Variants in DLGAP2 observed in about 807,000 individuals in gnomAD.
The protein encoded by DLGAP2 is DLG associated protein 2, also known as disks large-associated protein 2.
In DLGAP2, 26 loss-of-function variants were observed where a neutral mutation model predicts 100.3. The observed-to-expected ratio is 0.26, with a 90% CI of 0.19 to 0.36. The LOEUF (loss-of-function observed/expected upper bound fraction) is 0.36. DLGAP2 is among the 10% of genes least tolerant of loss of function. The probability of loss-of-function intolerance (pLI) is 1.00; values close to 1 mark genes in which losing one functional copy is unlikely to be tolerated. For synonymous variants in DLGAP2, 886 were observed against 630.1 expected (o/e 1.41, Z -6.08); for missense variants, 1,858 against 1,453.2 (o/e 1.28, Z -4.53).
At chr8:997,780 C>T (rs1011584990) in intron 2 of DLGAP2, among the ~76,000 whole-genome samples, 1 of 152,174 alleles carries the variant, frequency 6.6e-6, no homozygotes, top group Admixed American at 6.5e-5. Flanking sequence ...TGCATTTTCT[C>T]CTCTACCACA....
intron 1 of DLGAP2, among the ~76,000 whole-genome samples, chr8:811,012 G>A (rs1003375286): frequency 8.5e-5 from 13 of 152,326 alleles, no homozygotes; most frequent in African/African-American, 2.6e-4. Flanking sequence ...GATGGCCACC[G>A]TGTAGAAGGC....
chr8:1,685,176 C>T (rs1261549410), intron 12 of DLGAP2, among the ~76,000 whole-genome samples: 1 of 151,248 alleles, frequency 6.6e-6, no homozygotes, highest in Non-Finnish European at 1.5e-5. Context: ...GCAGTTGGCA[C>T]TCACACAGCG....
At chr8:1,350,515 G>A (rs1801691866) in intron 3 of DLGAP2, among the ~76,000 whole-genome samples, 1 of 96,300 alleles carries the variant, frequency 1.0e-5, no homozygotes, top group Non-Finnish European at 2.0e-5. Context: ...TGGAAAGGCC[G>A]TGCGGGTCCT....
chr8:1,666,611 C>A (rs1390391517), intron 8 of DLGAP2, among the ~76,000 whole-genome samples: 3 of 151,454 alleles, frequency 2.0e-5, no homozygotes, highest in African/African-American at 7.3e-5. Flanking sequence ...ACACAGGAGG[C>A]AGAGGCTGCA....
intron 2 of DLGAP2, among the ~76,000 whole-genome samples, chr8:950,883 C>T (rs1254403575): frequency 6.6e-6 from 1 of 152,086 alleles, no homozygotes; most frequent in Non-Finnish European, 1.5e-5. Flanking sequence ...CTCAACTTCC[C>T]AAAGCGCTGG....
chr8:1,686,169 C>T (rs1010732972), intron 12 of DLGAP2, among the ~76,000 whole-genome samples: 1 of 152,036 alleles, frequency 6.6e-6, no homozygotes, highest in African/African-American at 2.4e-5. Context: ...TGGAAGAGAC[C>T]TAGGTTCCCA....
intron 2 of DLGAP2, among the ~76,000 whole-genome samples, chr8:1,242,086 G>A (rs922753494): frequency 1.3e-5 from 2 of 152,110 alleles, no homozygotes; most frequent in Non-Finnish European, 2.9e-5. Context: ...TAATTTGTTT[G>A]TAGATAAACC....
At chr8:1,578,364 C>A (rs147260496) in intron 6 of DLGAP2, among the ~76,000 whole-genome samples, 184 of 152,252 alleles carry the variant, frequency 1.2e-3, no homozygotes, top group Middle Eastern at 6.8e-3. Flanking sequence ...GTTCTTACCC[C>A]GGAAGTTATC....
At chr8:1,619,452 T>C (rs1797259008) in intron 6 of DLGAP2, among the ~76,000 whole-genome samples, 1 of 152,262 alleles carries the variant, frequency 6.6e-6, no homozygotes, top group Non-Finnish European at 1.5e-5. Context: ...AATGGGTATA[T>C]ATTTTTCTGT....
intron 12 of DLGAP2, among the ~76,000 whole-genome samples, chr8:1,686,901 G>T (rs1020065137): frequency 6.6e-6 from 1 of 152,196 alleles, no homozygotes; most frequent in Non-Finnish European, 1.5e-5. Context: ...ACACATAAAT[G>T]TTTGAGGTGA....
Position 881,677 on chromosome 8 carries a change from A to G in DLGAP2, c.19-26235A>G, listed in dbSNP as rs529245234. ...ACCACTTGTGGCTGAACACACACAC[A>G]CACACTTTTTTTTTTTTTTTTAGTA... On this transcript the variant is annotated intron_variant, in intron 1 of 14. Coordinates refer to ENST00000637795, the MANE Select transcript of DLGAP2 (RefSeq NM_001346810.2). Among the ~76,000 whole-genome samples the G allele has an allele frequency of 1.6e-3, 83 of 50,476 alleles. 4 individuals are homozygous for G. Among genetic ancestry groups the G allele is most frequent in the African/African-American group, 4.7e-3 (72 of 15,238 alleles). The allele number at this position is 50,476 out of a possible 152,430, so 33.1% of individuals were successfully genotyped here.
At chr8:955,450 T>G (rs1339546675) in intron 2 of DLGAP2, among the ~76,000 whole-genome samples, 1 of 152,090 alleles carries the variant, frequency 6.6e-6, no homozygotes, top group Non-Finnish European at 1.5e-5. Flanking sequence ...CCAGTGTCAG[T>G]TTTTGGAAGT....
intron 12 of DLGAP2, among the ~76,000 whole-genome samples, chr8:1,684,305 C>A (rs1466204112): frequency 6.6e-6 from 1 of 151,932 alleles, no homozygotes; most frequent in Non-Finnish European, 1.5e-5. Flanking sequence ...TGTTATGCCC[C>A]TCATCTGTGT....
chr8:902,099 G>A (rs373975074), intron 1 of DLGAP2, among the ~76,000 whole-genome samples: 1 of 152,236 alleles, frequency 6.6e-6, no homozygotes, highest in Admixed American at 6.5e-5. Flanking sequence ...CAGGAATGTT[G>A]CGCCAGAAGC....
At chr8:1,490,016 C>G (rs532008431) in intron 3 of DLGAP2, among the ~76,000 whole-genome samples, 1 of 152,170 alleles carries the variant, frequency 6.6e-6, no homozygotes, top group South Asian at 2.1e-4. Context: ...CTCAGCCTCC[C>G]GAGTAGCTGG....
intron 2 of DLGAP2, among the ~76,000 whole-genome samples, chr8:981,547 G>A (rs74907752): frequency 0.019 from 2,875 of 152,194 alleles, 101 homozygotes; most frequent in African/African-American, 0.067. Flanking sequence ...TACCAGCAGC[G>A]TACGAGGGTT....
chr8:1,664,457 C>A (rs920186276), intron 8 of DLGAP2, among the ~76,000 whole-genome samples: 1 of 152,166 alleles, frequency 6.6e-6, no homozygotes, highest in African/African-American at 2.4e-5. Flanking sequence ...TCAGGACGGC[C>A]TTTTCAGTGT....
In DLGAP2 at chr8:1,177,068, G is replaced by T. The variant is rs572314990; in HGVS notation, c.74-81783G>T. 7.2e-5 allele frequency among the ~76,000 whole-genome samples: 11 copies of T among 152,256 alleles called. No individual in the cohort carries two copies. The East Asian group carries it at 2.1e-3, about 29-fold the overall frequency. ...CACTTCAAAAAATTATACTTTCTTT[G>T]GCATATTATAACAATATAGTCAACA... On this transcript the variant is annotated intron_variant, in intron 2 of 14. Coordinates refer to ENST00000637795, the MANE Select transcript of DLGAP2 (RefSeq NM_001346810.2).
chr8:1,011,065 C>G (rs1017943864), intron 2 of DLGAP2, among the ~76,000 whole-genome samples: 1 of 151,060 alleles, frequency 6.6e-6, no homozygotes, highest in African/African-American at 2.4e-5. Context: ...GGCAAGGGGT[C>G]TCAGTCTACA....
Sources: gnomAD v4.1 joint callset for allele counts (sites outside exome capture counted in the v4.1 genomes callset) on GRCh38, gnomAD v4.1.1 for gene constraint, MANE v1.5 for transcripts, NCBI Gene and HGNC (gene_info 2026-07-23, HGNC 2026-07-21) for gene names.